The following IFT88 variants were observed in gnomAD, a reference collection of about 807,000 sequenced individuals.
IFT88 encodes intraflagellar transport protein 88 homolog.
In IFT88, 74 loss-of-function variants were observed where a neutral mutation model predicts 119.5. The observed-to-expected ratio is 0.62, with a 90% confidence interval of 0.51 to 0.75. The LOEUF is 0.75. Among genes scored for constraint, IFT88 ranks in the 30% least tolerant of loss-of-function variants. IFT88 has a pLI of 0.00. For missense variants in IFT88, 961 were observed against 977.7 expected (o/e 0.98, Z 0.23); for synonymous variants, 279 against 316.7 (o/e 0.88, Z 1.26).
intron 13 of IFT88, 135 bp downstream of exon 13, chr13:20,605,240 C>A (rs1488657555): frequency 2.4e-6 from 1 of 424,092 alleles, no homozygotes; most frequent in Non-Finnish European, 4.2e-6. Flanking sequence ...AATGTGCATT[C>A]TGTTTCTTAC....
chr13:20,568,075 C>G, intron 1 of IFT88: 1 of 704,534 alleles, frequency 1.4e-6, no homozygotes, highest in Non-Finnish European at 2.6e-6. Context: ...TTGTGTTGGG[C>G]CACATTCAAA....
At chr13:20,670,053 A>G (rs1367437710) in intron 23 of IFT88, among the ~76,000 whole-genome samples, 1 of 152,232 alleles carries the variant, frequency 6.6e-6, no homozygotes, top group African/African-American at 2.4e-5. Context: ...AACTTTATCC[A>G]TGACCTGACA....
chr13:20,621,062 TTTTTG>T (rs763291266), intron 14 of IFT88, among the ~76,000 whole-genome samples: 1 of 151,908 alleles, frequency 6.6e-6, no homozygotes, highest in East Asian at 1.9e-4. Context: ...TTTGGTGTTT[TTTTTG>T]TTTTGTTTTG....
At chr13:20,659,805 A>C (rs1174129209) in intron 22 of IFT88, among the ~76,000 whole-genome samples, 2 of 151,922 alleles carry the variant, frequency 1.3e-5, no homozygotes, top group Non-Finnish European at 2.9e-5. Flanking sequence ...CACCATGCCC[A>C]GCTAATTTTT....
intron 15 of IFT88, among the ~76,000 whole-genome samples, chr13:20,626,816 G>T (rs533690518): frequency 1.3e-5 from 2 of 152,276 alleles, no homozygotes; most frequent in Admixed American, 6.5e-5. Context: ...TGATGTCCTA[G>T]TCTGTAACAC....
chr13:20,612,356 A>G (rs2044715708), intron 13 of IFT88: 1 of 152,214 alleles, frequency 6.6e-6, no homozygotes, highest in Non-Finnish European at 1.5e-5. Flanking sequence ...AAAAGAAGAA[A>G]TACACTATAC....
chr13:20,573,934 G>A (rs994542756), intron 1 of IFT88, among the ~76,000 whole-genome samples: 5 of 152,136 alleles, frequency 3.3e-5, no homozygotes, highest in African/African-American at 1.2e-4. Context: ...TTGACATCTA[G>A]TTTTGGGAAT....
intron 20 of IFT88, among the ~76,000 whole-genome samples, chr13:20,646,686 A>G (rs1291919535): frequency 7.9e-5 from 12 of 151,286 alleles, no homozygotes; most frequent in African/African-American, 2.7e-4. Context: ...TCCAACTTCC[A>G]TACTCCCTAT....
chr13:20,637,386 T>C (rs1343705736), intron 16 of IFT88, among the ~76,000 whole-genome samples: 1 of 152,138 alleles, frequency 6.6e-6, no homozygotes, highest in African/African-American at 2.4e-5. Flanking sequence ...GAAGGAGCCA[T>C]GGCGGTGAAG....
intron 24 of IFT88, among the ~76,000 whole-genome samples, chr13:20,671,978 A>G (rs117107986): frequency 0.016 from 2,464 of 152,194 alleles, 28 homozygotes; most frequent in Non-Finnish European, 0.027. Flanking sequence ...CTGTGCTAAG[A>G]GCCAAGGACA....
At chr13:20,575,681 T>C (rs537449668) in intron 2 of IFT88, among the ~76,000 whole-genome samples, 81 of 152,322 alleles carry the variant, frequency 5.3e-4, no homozygotes, top group African/African-American at 1.8e-3. Flanking sequence ...GATACTGATA[T>C]CATGCTTGTA....
chr13:20,680,321 GTTCC>G (rs1022738843), intron 24 of IFT88, among the ~76,000 whole-genome samples: 22 of 152,122 alleles, frequency 1.4e-4, no homozygotes, highest in African/African-American at 5.1e-4. Flanking sequence ...ATTCATAATA[GTTCC>G]TTCCTCTTAG....
intron 24 of IFT88, among the ~76,000 whole-genome samples, chr13:20,675,638 A>G (rs1257649572): frequency 1.3e-5 from 2 of 152,232 alleles, no homozygotes; most frequent in Admixed American, 1.3e-4. Flanking sequence ...TTGCAGGCCA[A>G]GTCTCATCTA....
intron 1 of IFT88, among the ~76,000 whole-genome samples, chr13:20,573,746 G>A (rs975309520): frequency 1.3e-5 from 2 of 152,148 alleles, no homozygotes; most frequent in African/African-American, 4.8e-5. Context: ...ATTCTGATGG[G>A]TATGTGGTGG....
intron 20 of IFT88, among the ~76,000 whole-genome samples, chr13:20,647,611 C>T (rs1999141): frequency 0.91 from 138,072 of 152,196 alleles, 62,782 homozygotes; most frequent in East Asian, 1. Context: ...TATCAAGAAA[C>T]CCTAGTTCTG....
intron 20 of IFT88, among the ~76,000 whole-genome samples, chr13:20,645,807 A>G (rs1231505816): frequency 6.6e-6 from 1 of 152,238 alleles, no homozygotes; most frequent in Non-Finnish European, 1.5e-5. Flanking sequence ...AATAATTTGA[A>G]TGATAAAGAA....
At chr13:20,593,471 G>A (rs3002161) in intron 7 of IFT88, among the ~76,000 whole-genome samples, 139,557 of 151,690 alleles carry the variant, frequency 0.92, 64,293 homozygotes, top group East Asian at 1. Context: ...ACTGGAATTA[G>A]TCACTATACT....
chr13:20,604,085 A>T (rs541128905), intron 12 of IFT88, among the ~76,000 whole-genome samples: 232 of 152,146 alleles, frequency 1.5e-3, no homozygotes, highest in African/African-American at 3.4e-3. Context: ...AAATAAAAAA[A>T]ATATATATTA....
intron 13 of IFT88, among the ~76,000 whole-genome samples, chr13:20,608,319 G>C (rs1011512260): frequency 2.0e-5 from 3 of 152,230 alleles, no homozygotes; most frequent in Non-Finnish European, 4.4e-5. Flanking sequence ...GCCACAGGAG[G>C]ATGCGTTGCC....
Sources: gnomAD v4.1 joint callset for allele counts (sites outside exome capture counted in the v4.1 genomes callset) on GRCh38, gnomAD v4.1.1 for gene constraint, MANE v1.5 for transcripts, NCBI Gene and HGNC (gene_info 2026-07-23, HGNC 2026-07-21) for gene names.